RORA: variants seen among roughly 807,000 people sequenced by gnomAD.
RORA encodes the protein nuclear receptor ROR-alpha.
RORA carries 7 observed loss-of-function variants against 69.5 expected under a neutral mutation model. That is an observed-to-expected ratio of 0.10 (90% confidence interval 0.06 to 0.19). The LOEUF (loss-of-function observed/expected upper bound fraction) is 0.19, where lower values mean the gene tolerates loss of function less well. RORA is among the 10% of genes least tolerant of loss of function. The pLI, the probability that RORA is intolerant of heterozygous loss-of-function variation, is 1.00. For missense variants in RORA, 457 were observed against 663.0 expected, an observed-to-expected ratio of 0.69 and a Z score of 3.41; for synonymous variants, 261 against 240.8, an observed-to-expected ratio of 1.08 and a Z score of -0.78.
At position 61,220,650 on chromosome 15, in the gene RORA, T is replaced by C. The variant is rs1014616650; in HGVS notation, c.166+8403A>G. Among the ~76,000 whole-genome samples, 16 of 152,124 alleles carry C rather than the reference T, an allele frequency of 1.1e-4. 1 individual carries two copies. The highest frequency in any genetic ancestry group is 3.6e-4 in the African/African-American group (15 of 41,408). On this transcript the variant is annotated intron_variant, in intron 1 of 10. Transcript: ENST00000335670. ...AAGAGTCAATAAACACGGCTGCCAA[T>C]TCCCTTTACACCCTAGGAAAGCAGC... is the stretch of plus-strand genomic sequence containing the variant.
chr15:61,056,930 CT>C (rs2078104838), intron 1 of RORA, among the ~76,000 whole-genome samples: 1 of 152,202 alleles, frequency 6.6e-6, no homozygotes, highest in East Asian at 1.9e-4. Context: ...TGGCTCCTGA[CT>C]TTTGTCAGCT....
intron 1 of RORA, among the ~76,000 whole-genome samples, chr15:61,144,825 G>A (rs1218068015): frequency 6.6e-6 from 1 of 152,156 alleles, no homozygotes; most frequent in Non-Finnish European, 1.5e-5. Context: ...TCCAAAGTAT[G>A]CACTAAAGTT....
chr15:60,980,691 A>G (rs1304145071), intron 1 of RORA, among the ~76,000 whole-genome samples: 1 of 151,968 alleles, frequency 6.6e-6, no homozygotes, highest in East Asian at 1.9e-4. Context: ...TTCTCTTAAA[A>G]TCCTTTTGTA....
chr15:60,968,000 C>A (rs993749723), intron 1 of RORA, among the ~76,000 whole-genome samples: 4 of 152,182 alleles, frequency 2.6e-5, no homozygotes, highest in Non-Finnish European at 4.4e-5. Context: ...GCAAATGAAG[C>A]TAAAATGTGG....
chr15:61,172,017 C>A (rs1473027521), intron 1 of RORA, among the ~76,000 whole-genome samples: 2 of 152,126 alleles, frequency 1.3e-5, no homozygotes, highest in Non-Finnish European at 2.9e-5. Flanking sequence ...TATTTTGTAA[C>A]AGCTGTTGAT....
intron 1 of RORA, among the ~76,000 whole-genome samples, chr15:61,072,741 T>G (rs889751450): frequency 6.6e-6 from 1 of 152,218 alleles, no homozygotes; most frequent in Non-Finnish European, 1.5e-5. Flanking sequence ...TGTGAACTAA[T>G]GGGGGTCAAG....
At chr15:60,896,270 T>C (rs1891228697) in intron 1 of RORA, among the ~76,000 whole-genome samples, 2 of 152,342 alleles carry the variant, frequency 1.3e-5, no homozygotes, top group African/African-American at 4.8e-5. Context: ...GCCTTTTTTA[T>C]CTTATCAGTA....
chr15:61,219,345 C>T (rs1371728166), intron 1 of RORA, among the ~76,000 whole-genome samples: 1 of 152,158 alleles, frequency 6.6e-6, no homozygotes, highest in African/African-American at 2.4e-5. Flanking sequence ...GAGGCCAAGG[C>T]GGGAGGATCA....
At chr15:60,553,367 G>A (rs955625806) in intron 2 of RORA, among the ~76,000 whole-genome samples, 3 of 152,216 alleles carry the variant, frequency 2.0e-5, no homozygotes, top group Non-Finnish European at 4.4e-5. Context: ...CATGTGCCAA[G>A]GGTGTGGAGC....
At chr15:60,618,117 T>A (rs2069305847) in intron 2 of RORA, among the ~76,000 whole-genome samples, 1 of 152,260 alleles carries the variant, frequency 6.6e-6, no homozygotes, top group African/African-American at 2.4e-5. Flanking sequence ...TATCCATATC[T>A]TTCTTTTCTT....
chr15:61,200,233 G>C (rs924474568), intron 1 of RORA, among the ~76,000 whole-genome samples: 9 of 152,180 alleles, frequency 5.9e-5, no homozygotes, highest in African/African-American at 2.2e-4. Context: ...CTGACTTTCT[G>C]AGGAATGGCC....
At chr15:60,805,943 C>CAGG (rs1187961017) in intron 1 of RORA, among the ~76,000 whole-genome samples, 1 of 152,190 alleles carries the variant, frequency 6.6e-6, no homozygotes, top group Non-Finnish European at 1.5e-5. Context: ...CTCAGGTGTT[C>CAGG]AGGAGCCTCT....
Position 60,610,806 on chromosome 15 carries a change from G to A in RORA, c.196+67851C>T, listed in dbSNP as rs1344802023. ...TTTAGGACTGTGTCCAATCCAGGGC[G>A]ACCATCCAAATACAAACTTTGAATT... On this transcript the variant is annotated intron_variant, in intron 2 of 10. Transcript: ENST00000335670. 1.3e-5 allele frequency among the ~76,000 whole-genome samples: 2 copies of A among 152,116 alleles called. 1 individual carries two copies. Among genetic ancestry groups the A allele is most frequent in the South Asian group, 4.1e-4 (2 of 4,820 alleles).
intron 1 of RORA, among the ~76,000 whole-genome samples, chr15:60,895,797 TCTTA>T (rs1291235102): frequency 1.3e-5 from 2 of 152,214 alleles, no homozygotes; most frequent in African/African-American, 2.4e-5. Context: ...AAGCTAGGGC[TCTTA>T]CTTTGACTTT....
At chr15:60,873,598 A>C (rs1317462451) in intron 1 of RORA, among the ~76,000 whole-genome samples, 1 of 152,232 alleles carries the variant, frequency 6.6e-6, no homozygotes, top group African/African-American at 2.4e-5. Context: ...ACTAAGTACC[A>C]GATAATGAAA....
chr15:60,632,674 G>A (rs1469893680), intron 2 of RORA, among the ~76,000 whole-genome samples: 2 of 152,012 alleles, frequency 1.3e-5, no homozygotes, highest in Non-Finnish European at 2.9e-5. Context: ...CTATTAGAGG[G>A]TGGAGGGAGA....
At chr15:60,981,696 G>C (rs1178738960) in intron 1 of RORA, among the ~76,000 whole-genome samples, 6 of 151,996 alleles carry the variant, frequency 3.9e-5, no homozygotes, top group African/African-American at 1.4e-4. Context: ...ATTTGGTGAG[G>C]TATTGCTCTC....
chr15:61,167,601 G>A (rs548347970), intron 1 of RORA, among the ~76,000 whole-genome samples: 1 of 150,976 alleles, frequency 6.6e-6, no homozygotes, highest in East Asian at 2.0e-4. Flanking sequence ...ACCAGGTGGT[G>A]ACAGTGTGCC....
intron 2 of RORA, chr15:60,627,268 G>A: frequency 1.2e-6 from 2 of 1,614,222 alleles, no homozygotes; most frequent in Non-Finnish European, 1.7e-6. Context: ...AGGTGTGGGT[G>A]TGGCAGACAT....
Sources: gnomAD v4.1 joint callset for allele counts (sites outside exome capture counted in the v4.1 genomes callset) on GRCh38, gnomAD v4.1.1 for gene constraint, MANE v1.5 for transcripts, NCBI Gene and HGNC (gene_info 2026-07-23, HGNC 2026-07-21) for gene names.